Variants in ANKRD29 observed in about 807,000 individuals in gnomAD.
ANKRD29 encodes ankyrin repeat domain 29.
In ANKRD29, 32 loss-of-function variants were observed where a neutral mutation model predicts 38.0. That is an observed-to-expected ratio of 0.84 (90% CI 0.64 to 1.13). The LOEUF (loss-of-function observed/expected upper bound fraction) is 1.13. Among genes scored for constraint, ANKRD29 ranks in the 50% most tolerant of loss-of-function variants. The pLI is 0.00. For missense variants in ANKRD29, 357 were observed against 377.9 expected (o/e 0.94, Z 0.46); for synonymous variants, 135 against 152.4 (o/e 0.89, Z 0.84).
chr18:23,615,892 T>A (rs904459848), intron 8 of ANKRD29, among the ~76,000 whole-genome samples: 14 of 147,876 alleles, frequency 9.5e-5, no homozygotes, highest in African/African-American at 3.2e-4. Context: ...ATAGTATATA[T>A]TTATATTATA....
rs765688697 is a variant in ANKRD29 at position 23,634,046 on chromosome 18, C to G, written c.429+5G>C. 1.2e-6 allele frequency: 2 copies of G among 1,613,996 alleles called. No homozygotes were observed. On this transcript the variant is annotated splice_donor_5th_base_variant and intron_variant, in intron 5 of 9. Coordinates refer to ENST00000592179, the MANE Select transcript of ANKRD29 (RefSeq NM_173505.4). Reference sequence around the variant, plus strand: ...TGTCCTAATGTCCCCCTGAAATGCACTCACATAAAGTTGGTCATGGATGTT... The same window carrying G: ...TGTCCTAATGTCCCCCTGAAATGCAGTCACATAAAGTTGGTCATGGATGTT...
At chr18:23,653,672 G>A (rs772756440) in intron 1 of ANKRD29, among the ~76,000 whole-genome samples, 8 of 151,660 alleles carry the variant, frequency 5.3e-5, no homozygotes, top group Non-Finnish European at 1.0e-4. Flanking sequence ...CGTTGCCCAG[G>A]CTGGAGTGCA....
At chr18:23,624,487 A>AAAAAAAAAAAAAAAAAAAG (rs2059836933) in intron 6 of ANKRD29, among the ~76,000 whole-genome samples, 1 of 144,012 alleles carries the variant, frequency 6.9e-6, no homozygotes, top group Non-Finnish European at 1.5e-5. Context: ...AAAAAAAAAA[A>AAAAAAAAAAAAAAAAAAAG]AAAAAAAAAA....
intron 9 of ANKRD29, among the ~76,000 whole-genome samples, chr18:23,610,890 G>T (rs2059633078): frequency 6.6e-6 from 1 of 151,770 alleles, no homozygotes; most frequent in East Asian, 2.0e-4. Flanking sequence ...ATGTTGCCCA[G>T]GCTGGTCTTG....
chr18:23,623,959 T>A (rs995318954), intron 6 of ANKRD29, among the ~76,000 whole-genome samples: 5 of 151,994 alleles, frequency 3.3e-5, no homozygotes, highest in Admixed American at 1.3e-4. Context: ...TATATTTTTT[T>A]AAATTAAACA....
chr18:23,613,622 C>T lies in ANKRD29; in HGVS notation c.724-1432G>A, dbSNP rs139021795. Among the ~76,000 whole-genome samples, 1,067 of 145,004 alleles carry T rather than the reference C, an allele frequency of 7.4e-3. 10 individuals are homozygous for T. The highest frequency in any genetic ancestry group is 0.01 in the Middle Eastern group (3 of 286). On this transcript the variant is annotated intron_variant, in intron 8 of 9. Coordinates refer to ENST00000592179, the MANE Select transcript of ANKRD29 (RefSeq NM_173505.4). ...TACAATTTTTTTTTTTTTTTTGATA[C>T]GGAGTCTTGCTTTGTCACCCAGGCT...
intron 6 of ANKRD29, among the ~76,000 whole-genome samples, chr18:23,624,993 G>A (rs890031403): frequency 2.0e-5 from 3 of 152,178 alleles, no homozygotes; most frequent in African/African-American, 4.8e-5. Flanking sequence ...GTGGGAATGA[G>A]TATCTGAAGC....
chr18:23,658,672 T>C (rs2060315844), intron 1 of ANKRD29, among the ~76,000 whole-genome samples: 1 of 152,190 alleles, frequency 6.6e-6, no homozygotes, highest in South Asian at 2.1e-4. Context: ...CAAAAATTCA[T>C]GTGTTCAAGT....
chr18:23,659,755 A>AC (rs2060332483), intron 1 of ANKRD29, among the ~76,000 whole-genome samples: 1 of 151,672 alleles, frequency 6.6e-6, no homozygotes, highest in South Asian at 2.1e-4. Flanking sequence ...AAAGACAAAA[A>AC]AAAAAACAAA....
intron 5 of ANKRD29, among the ~76,000 whole-genome samples, chr18:23,632,257 A>G (rs941212192): frequency 4.0e-5 from 6 of 151,488 alleles, no homozygotes; most frequent in African/African-American, 1.5e-4. Flanking sequence ...ATTTTTTTTT[A>G]ACTCTCAGGA....
At position 23,599,019 on chromosome 18, in the gene ANKRD29, A is replaced by T. The variant is rs934400766; in HGVS notation, c.*2207T>A. 1 of 152,252 alleles carries T rather than the reference A, an allele frequency of 6.6e-6. No homozygotes were observed. Among genetic ancestry groups the T allele is most frequent in the Non-Finnish European group, 1.5e-5 (1 of 68,046 alleles). 9.4% of individuals were successfully genotyped at this position (152,252 alleles called of 1,614,324 possible). A position where few individuals can be genotyped will look rare whatever the true frequency, so the allele number is the denominator to read the frequency against. ...ATGAAAAACGTTTGTAGTTCAGTTA[A>T]GCAGATGATTTGCATAGGAATTGCT... is the stretch of plus-strand genomic sequence containing the variant. On this transcript the variant is annotated 3_prime_UTR_variant, in exon 10 of 10. Coordinates refer to ENST00000592179, the MANE Select transcript of ANKRD29 (RefSeq NM_173505.4).
chr18:23,630,215 C>T lies in ANKRD29; in HGVS notation c.430-264G>A, dbSNP rs185216281. ...CGAGGCAGGTGGATCACCTGACATCCGGAGTTCGAGACCAGCCTGGCCAAC... is the reference window on the plus strand; with the variant it reads ...CGAGGCAGGTGGATCACCTGACATCTGGAGTTCGAGACCAGCCTGGCCAAC... On this transcript the variant is annotated intron_variant, in intron 5 of 9. Coordinates refer to ENST00000592179, the MANE Select transcript of ANKRD29 (RefSeq NM_173505.4). Among the ~76,000 whole-genome samples, 526 of 151,850 alleles carry T rather than the reference C, an allele frequency of 3.5e-3. 7 individuals are homozygous for T. The highest frequency in any genetic ancestry group is 0.028 in the South Asian group (133 of 4,814).
At chr18:23,655,582 T>C (rs1235012967) in intron 1 of ANKRD29, among the ~76,000 whole-genome samples, 7 of 151,880 alleles carry the variant, frequency 4.6e-5, no homozygotes, top group African/African-American at 1.7e-4. Context: ...GTAGCTGGAA[T>C]TACAGGCACT....
intron 4 of ANKRD29, among the ~76,000 whole-genome samples, chr18:23,635,887 G>A (rs2059996149): frequency 6.6e-6 from 1 of 152,184 alleles, no homozygotes; most frequent in African/African-American, 2.4e-5. Context: ...AGGCTCTGTG[G>A]TGGGGGAGGG....
Position 23,599,673 on chromosome 18 carries a change from G to C in ANKRD29, c.*1553C>G, listed in dbSNP as rs2059490603. 6.6e-6 allele frequency: 1 copy of C among 152,214 alleles called. No homozygotes were observed. Among genetic ancestry groups the C allele is most frequent in the African/African-American group, 2.4e-5 (1 of 41,462 alleles). The allele number at this position is 152,214 out of a possible 1,614,324, so 9.4% of individuals were successfully genotyped here. Reference sequence around the variant, plus strand: ...TATCTGGATGTTTTAGCAACAGAGAGCTTTCTAATATTTTATCCTAGAATC... The same window carrying C: ...TATCTGGATGTTTTAGCAACAGAGACCTTTCTAATATTTTATCCTAGAATC... On this transcript the variant is annotated 3_prime_UTR_variant, in exon 10 of 10. Transcript: ENST00000592179.
At chr18:23,606,951 A>G (rs1356849626) in intron 9 of ANKRD29, among the ~76,000 whole-genome samples, 2 of 152,134 alleles carry the variant, frequency 1.3e-5, no homozygotes, top group African/African-American at 4.8e-5. Context: ...TTGGTTGTAG[A>G]TGTTACCTGT....
chr18:23,654,354 C>T (rs1263228412), intron 1 of ANKRD29, among the ~76,000 whole-genome samples: 1 of 151,588 alleles, frequency 6.6e-6, no homozygotes, highest in Non-Finnish European at 1.5e-5. Context: ...CACGGTGGCT[C>T]ACGCCTGTAA....
At chr18:23,632,440 C>T (rs1260524636) in intron 5 of ANKRD29, among the ~76,000 whole-genome samples, 1 of 151,076 alleles carries the variant, frequency 6.6e-6, no homozygotes, top group African/African-American at 2.5e-5. Flanking sequence ...TTTCTTGAGT[C>T]ACCTTAAAAC....
At chr18:23,644,641 TCA>T (rs1391091120) in intron 3 of ANKRD29, among the ~76,000 whole-genome samples, 1 of 152,180 alleles carries the variant, frequency 6.6e-6, no homozygotes, top group Non-Finnish European at 1.5e-5. Flanking sequence ...ATTCTGCATG[TCA>T]CTCTTTCATG....
Sources: gnomAD v4.1 joint callset for allele counts (sites outside exome capture counted in the v4.1 genomes callset) on GRCh38, gnomAD v4.1.1 for gene constraint, MANE v1.5 for transcripts, NCBI Gene and HGNC (gene_info 2026-07-23, HGNC 2026-07-21) for gene names.